The following CCDC141 variants were observed in gnomAD, a reference collection of about 807,000 sequenced individuals.
The protein encoded by CCDC141 is coiled-coil domain containing 141.
A neutral mutation model predicts 181.0 loss-of-function variants in CCDC141; 168 were observed. That is an observed-to-expected ratio of 0.93 (90% CI 0.82 to 1.05). CCDC141 has a LOEUF of 1.05. Ranked by LOEUF, CCDC141 falls within the 50% of genes least tolerant of loss-of-function variation. CCDC141 has a pLI of 0.00. For synonymous variants in CCDC141, 666 were observed against 642.3 expected, an observed-to-expected ratio of 1.04 and a Z score of -0.56; for missense variants, 1,902 against 1,788.5, an observed-to-expected ratio of 1.06 and a Z score of -1.14.
intron 2 of CCDC141, among the ~76,000 whole-genome samples, chr2:179,039,329 T>C (rs1167574510): frequency 6.6e-6 from 1 of 152,206 alleles, no homozygotes; most frequent in African/African-American, 2.4e-5. Flanking sequence ...TACTAGGGTT[T>C]GAGATAATTT....
rs1030314539 is a variant in CCDC141, at chr2:178,885,007, G to C, written c.1613C>G (p.Ser538Cys). 1.3e-6 allele frequency: 2 copies of C among 1,550,328 alleles called. No individual in the cohort carries two copies. Among genetic ancestry groups the C allele is most frequent in the Non-Finnish European group, 1.7e-6 (2 of 1,146,862 alleles). ...FVSDEMVSLS[S>C]KARWLAEELN... ...TTCTTCTGCTAGCCATCTAGCTTTA[G>C]AGGAAAGTGATACCATTTCATCAGA... The change falls in exon 11 of 24, where the codon TCT becomes TGT. Residue 538 changes from serine to cysteine, a missense_variant. Ser to Cys is a moderately radical substitution (Grantham distance 112). Transcript: ENST00000443758.
chr2:178,850,061 T>C lies in CCDC141; in HGVS notation c.3345A>G (p.Glu1115=), dbSNP rs1255771407. Residue 1115 remains glutamate, a synonymous_variant, in exon 21 of 24, where the codon GAA becomes GAG. Transcript: ENST00000443758. The part of the protein sequence containing the change: ...TELCESLTEL[E]EKLKQGDVLK... Reference sequence around the variant, plus strand: ...AAGAAGAAATTACCTTCAGTTTTTCTTCGAGCTCTGTGAGGGACTCACATA... The same window carrying C: ...AAGAAGAAATTACCTTCAGTTTTTCCTCGAGCTCTGTGAGGGACTCACATA... 1.3e-6 allele frequency: 2 copies of C among 1,577,312 alleles called. No homozygotes were observed.
At chr2:178,956,118 C>T (rs1318376527) in intron 5 of CCDC141, among the ~76,000 whole-genome samples, 1 of 152,096 alleles carries the variant, frequency 6.6e-6, no homozygotes, top group Non-Finnish European at 1.5e-5. Context: ...GTTACTCAGC[C>T]AGTAAGTGGT....
At chr2:179,019,145 G>A (rs1341184415) in intron 2 of CCDC141, among the ~76,000 whole-genome samples, 4 of 151,980 alleles carry the variant, frequency 2.6e-5, no homozygotes, top group Non-Finnish European at 5.9e-5. Context: ...AGTCCAGCAA[G>A]CCAATATTAT....
chr2:178,891,277 T>A (rs549282385), intron 8 of CCDC141, among the ~76,000 whole-genome samples: 1 of 152,274 alleles, frequency 6.6e-6, no homozygotes, highest in South Asian at 2.1e-4. Context: ...TGTTTTCTAA[T>A]CTTCATAACA....
At chr2:178,843,728 G>A (rs55720392) in intron 22 of CCDC141, among the ~76,000 whole-genome samples, 1 of 152,188 alleles carries the variant, frequency 6.6e-6, no homozygotes, top group South Asian at 2.1e-4. Context: ...AATAATACCA[G>A]GACAAGCTTT....
chr2:178,923,839 C>G (rs1688812658), intron 6 of CCDC141, among the ~76,000 whole-genome samples: 2 of 152,192 alleles, frequency 1.3e-5, no homozygotes, highest in African/African-American at 4.8e-5. Context: ...TTTCTTGGAT[C>G]CCTTGATTGA....
chr2:179,040,605 GC>G (rs1295758258), intron 2 of CCDC141, among the ~76,000 whole-genome samples: 1 of 152,070 alleles, frequency 6.6e-6, no homozygotes, highest in Non-Finnish European at 1.5e-5. Context: ...TCATCATTCA[GC>G]TCCCCCTTAT....
At chr2:178,934,985 T>C (rs192831003) in intron 6 of CCDC141, among the ~76,000 whole-genome samples, 44 of 152,300 alleles carry the variant, frequency 2.9e-4, no homozygotes, top group Non-Finnish European at 5.6e-4. Context: ...GAATTTCTTT[T>C]CCATGAACAA....
rs1196404958 is a variant in CCDC141 at position 179,015,109 on chromosome 2, ATATATAATCATATATATATATC to A, written c.225+32153_225+32174del. ...ATATATATATATATATATATAATAT[ATATATAATCATATATATATATC>A]ATATCATATATATCAATATATCTCA... On this transcript the variant is annotated intron_variant, in intron 2 of 23. Coordinates refer to ENST00000443758, the MANE Select transcript of CCDC141 (RefSeq NM_173648.4). Among the ~76,000 whole-genome samples, 27 of 25,424 alleles carry A rather than the reference ATATATAATCATATATATATATC, an allele frequency of 1.1e-3. 1 individual carries two copies. Among genetic ancestry groups the A allele is most frequent in the East Asian group, 5.1e-3 (3 of 584 alleles). The allele number at this position is 25,424 out of a possible 152,430, so 16.7% of individuals were successfully genotyped here. A position where few individuals can be genotyped will look rare whatever the true frequency, so the allele number is the denominator to read the frequency against.
rs571003203 is a variant in CCDC141 at position 178,992,315 on chromosome 2, A to G, written c.226-13640T>C. On this transcript the variant is annotated intron_variant, in intron 2 of 23. Transcript: ENST00000443758. ...TTTTTATTATTGGAGAAATTTTTAT[A>G]TTTTTGCAATTATGTAAAATAGACC... Among the ~76,000 whole-genome samples, 21 of 116,718 alleles carry G rather than the reference A, an allele frequency of 1.8e-4. 1 individual carries two copies. The highest frequency in any genetic ancestry group is 6.4e-4 in the African/African-American group (20 of 31,194). 76.6% of individuals were successfully genotyped at this position (116,718 alleles called of 152,430 possible).
chr2:179,009,074 T>C (rs1411650712), intron 2 of CCDC141, among the ~76,000 whole-genome samples: 2 of 152,216 alleles, frequency 1.3e-5, no homozygotes, highest in East Asian at 1.9e-4. Flanking sequence ...CCTAATGCTG[T>C]GCATGGGGTT....
intron 22 of CCDC141, among the ~76,000 whole-genome samples, chr2:178,840,584 G>A (rs1323419154): frequency 6.6e-6 from 1 of 152,140 alleles, no homozygotes; most frequent in African/African-American, 2.4e-5. Context: ...TGAAATGCAT[G>A]GGTTCAGGTT....
At chr2:179,004,196 G>A (rs1416867548) in intron 2 of CCDC141, among the ~76,000 whole-genome samples, 2 of 152,098 alleles carry the variant, frequency 1.3e-5, no homozygotes, top group African/African-American at 4.8e-5. Flanking sequence ...GTTCCTTTGG[G>A]CTGAAGACTG....
At chr2:178,856,563 T>A (rs1275335205) in intron 17 of CCDC141, among the ~76,000 whole-genome samples, 166 bp from the exon 18 acceptor site, 1 of 149,782 alleles carries the variant, frequency 6.7e-6, no homozygotes, top group Admixed American at 6.7e-5. Flanking sequence ...TTTCACTCTT[T>A]CTCTTTCTCT....
intron 2 of CCDC141, chr2:179,002,288 A>G (rs1311236814): frequency 3.6e-6 from 1 of 279,026 alleles, no homozygotes. Flanking sequence ...TACTGAGTAC[A>G]GGGCATTCCT....
intron 2 of CCDC141, among the ~76,000 whole-genome samples, chr2:179,010,253 C>T (rs774281717): frequency 3.7e-4 from 57 of 152,096 alleles, no homozygotes; most frequent in Non-Finnish European, 6.5e-4. Flanking sequence ...GAAAACTTCC[C>T]CAGCCTTGCT....
At chr2:178,898,358 C>T (rs1190803182) in intron 8 of CCDC141, among the ~76,000 whole-genome samples, 1 of 152,130 alleles carries the variant, frequency 6.6e-6, no homozygotes, top group Admixed American at 6.5e-5. Flanking sequence ...CCAATCTTGG[C>T]CCTCCAGCCT....
intron 2 of CCDC141, among the ~76,000 whole-genome samples, chr2:179,040,003 T>C (rs554221359): frequency 1.3e-5 from 2 of 152,350 alleles, no homozygotes; most frequent in South Asian, 4.1e-4. Context: ...ATAAAACTAC[T>C]AGTTAAAGTT....
Sources: gnomAD v4.1 joint callset for allele counts (sites outside exome capture counted in the v4.1 genomes callset) on GRCh38, gnomAD v4.1.1 for gene constraint, MANE v1.5 for transcripts, NCBI Gene and HGNC (gene_info 2026-07-23, HGNC 2026-07-21) for gene names.